The following CFAP46 variants were observed in gnomAD, a reference collection of about 807,000 sequenced individuals.
The protein encoded by CFAP46 is cilia- and flagella-associated protein 46.
CFAP46 carries 245 observed loss-of-function variants against 325.7 expected under a neutral mutation model. The observed-to-expected ratio is 0.75, with a 90% CI of 0.68 to 0.84. The LOEUF (loss-of-function observed/expected upper bound fraction) is 0.84, where lower values mean the gene tolerates loss of function less well. Among genes scored for constraint, CFAP46 ranks in the 40% least tolerant of loss-of-function variants. The pLI, the probability that CFAP46 is intolerant of heterozygous loss-of-function variation, is 0.00. For synonymous variants in CFAP46, 1,523 were observed against 1,495.9 expected (o/e 1.02, Z -0.42); for missense variants, 3,346 against 3,543.0 (o/e 0.94, Z 1.41).
intron 9 of CFAP46, among the ~76,000 whole-genome samples, chr10:132,927,275 T>C (rs1030053382): frequency 2.0e-5 from 3 of 152,194 alleles, no homozygotes; most frequent in African/African-American, 7.2e-5. Context: ...TGGTGAAGCA[T>C]CTTCACAACT....
In CFAP46 at chr10:132,857,699, T is replaced by C; in HGVS notation, c.5465A>G (p.Glu1822Gly). 6.2e-7 allele frequency: 1 copy of C among 1,613,454 alleles called. No individual in the cohort carries two copies. Among genetic ancestry groups the C allele is most frequent in the African/African-American group, 1.3e-5 (1 of 75,030 alleles). Residue 1822 changes from glutamate to glycine, a missense_variant, in exon 39 of 58, where the codon GAA (glutamate) becomes GGA (glycine). Physicochemically the swap from Glu to Gly is moderately conservative, Grantham distance 98. Transcript: ENST00000368586. ...YGLAQGAVAE[E>G]EGRLHSIQGL... Reference sequence around the variant, plus strand: ...CTGGATGCTGTGAAGCCTCCCTTCTTCCTCAGCTACGGCACCCTGGGCCAG... The same window carrying C: ...CTGGATGCTGTGAAGCCTCCCTTCTCCCTCAGCTACGGCACCCTGGGCCAG...
chr10:132,893,763 G>A (rs1473031353), intron 24 of CFAP46, among the ~76,000 whole-genome samples: 1 of 152,232 alleles, frequency 6.6e-6, no homozygotes, highest in Non-Finnish European at 1.5e-5. Flanking sequence ...AAAGCTCTTT[G>A]ATAAACTCTC....
At position 132,898,989 on chromosome 10, in the gene CFAP46, G is replaced by T. The variant is rs2135476438; in HGVS notation, c.3189C>A (p.Gly1063=). The change falls in exon 24 of 58, where the codon GGC becomes GGA. Residue 1063 remains glycine (G), a synonymous_variant. Transcript: ENST00000368586. ...KAKGALKRLI[G]IINKTEARKQ... Reference sequence around the variant, plus strand: ...TTCTGGCCTCTGTCTTGTTGATGATGCCGATGAGCCTCTTCAGGGCACCCT... The same window carrying T: ...TTCTGGCCTCTGTCTTGTTGATGATTCCGATGAGCCTCTTCAGGGCACCCT... 1 of 1,550,588 alleles carries T rather than the reference G, an allele frequency of 6.4e-7. No individual in the cohort carries two copies.
At chr10:132,934,730 T>A (rs1849965294) in intron 8 of CFAP46, 22 bp downstream of exon 8, 1 of 1,420,524 alleles carries the variant, frequency 7.0e-7, no homozygotes, top group Admixed American at 1.8e-5. Flanking sequence ...AGATGTGATA[T>A]TGGAAAAATA....
intron 48 of CFAP46, 131 bp downstream of exon 48, chr10:132,834,523 C>G: frequency 7.7e-7 from 1 of 1,292,664 alleles, no homozygotes; most frequent in South Asian, 1.5e-5. Flanking sequence ...TGGGAGCAGG[C>G]AGGCGGCGCC....
chr10:132,919,234 A>T lies in CFAP46; in HGVS notation c.1858+81T>A, dbSNP rs1849683036. The T allele has an allele frequency of 2.8e-6, 4 of 1,427,316 alleles. No individual in the cohort carries two copies. In the East Asian group the frequency reaches 1.0e-4, roughly 36 times the overall value. 88.4% of individuals were successfully genotyped at this position (1,427,316 alleles called of 1,614,324 possible). A position where few individuals can be genotyped will look rare whatever the true frequency, so the allele number is the denominator to read the frequency against. On this transcript the variant is annotated intron_variant, in intron 15 of 57. Coordinates refer to ENST00000368586, the MANE Select transcript of CFAP46 (RefSeq NM_001200049.3). This position sits in a 1 kb window ranked among gnomAD's most constrained non-coding sequence, Gnocchi z 9.7. Reference sequence around the variant, plus strand: ...TCATGCGAAGGCCCCATGGGTTGTCATTGCACGAACCACAACCCTTCCCAC... The same window carrying T: ...TCATGCGAAGGCCCCATGGGTTGTCTTTGCACGAACCACAACCCTTCCCAC...
At chr10:132,820,256 C>T (rs778931316) in intron 50 of CFAP46, among the ~76,000 whole-genome samples, 1 of 152,212 alleles carries the variant, frequency 6.6e-6, no homozygotes, top group Non-Finnish European at 1.5e-5. Flanking sequence ...AGCCAGGCAC[C>T]GAAGGCCAGA....
Position 132,942,546 on chromosome 10 carries a change from T to C in CFAP46, c.-62A>G, listed in dbSNP as rs1378626454. The C allele has an allele frequency of 1.6e-5, 20 of 1,224,452 alleles. 1 individual carries two copies. Among genetic ancestry groups the C allele is most frequent in the Non-Finnish European group, 1.8e-5 (18 of 976,392 alleles). 75.8% of individuals were successfully genotyped at this position (1,224,452 alleles called of 1,614,324 possible). ...CCGCGGTGCGTCCTGCCGCCCACTG[T>C]CGGTTGGGTTCTCCAGCCGCGAGGA... On this transcript the variant is annotated 5_prime_UTR_variant, in exon 1 of 58. Coordinates refer to ENST00000368586, the MANE Select transcript of CFAP46 (RefSeq NM_001200049.3).
chr10:132,881,625 G>A (rs939560848), intron 27 of CFAP46, among the ~76,000 whole-genome samples: 10 of 94,956 alleles, frequency 1.1e-4, no homozygotes, highest in Non-Finnish European at 1.8e-4. Context: ...CGCACCCTCC[G>A]CAGCCCTGCG....
chr10:132,885,065 A>G (rs1198209650), intron 27 of CFAP46, 38 bp downstream of exon 27: 2 of 1,519,870 alleles, frequency 1.3e-6, no homozygotes, highest in Middle Eastern at 2.2e-4. Context: ...ACTAAAGGAC[A>G]AATTTTACCA....
At chr10:132,863,685 T>C (rs988390906) in intron 35 of CFAP46, among the ~76,000 whole-genome samples, 1 of 150,254 alleles carries the variant, frequency 6.7e-6, no homozygotes, top group Non-Finnish European at 1.5e-5. Flanking sequence ...GCCTGAGACC[T>C]GCATGCACAC....
At chr10:132,829,154 GCAAGGTGACA>G (rs922493026) in intron 50 of CFAP46, among the ~76,000 whole-genome samples, 1 of 151,190 alleles carries the variant, frequency 6.6e-6, no homozygotes, top group African/African-American at 2.4e-5. Context: ...TCACCTTGGG[GCAAGGTGACA>G]CCTTGGCAAT....
At chr10:132,868,449 C>CTGCACAGATAACTCACGG (rs572581497) in intron 33 of CFAP46, among the ~76,000 whole-genome samples, 5 of 152,334 alleles carry the variant, frequency 3.3e-5, no homozygotes, top group East Asian at 3.9e-4. Flanking sequence ...TTCAGCCGGG[C>CTGCACAGATAACTCACGG]TGCACAGATA....
intron 26 of CFAP46, 135 bp from the exon 27 acceptor site, chr10:132,885,421 G>C: frequency 2.3e-6 from 2 of 864,818 alleles, no homozygotes; most frequent in Admixed American, 2.9e-5. Context: ...GTGAGCGGGG[G>C]TCTCGGGGCT....
chr10:132,932,368 TC>T (rs1849924728), intron 8 of CFAP46, among the ~76,000 whole-genome samples: 1 of 111,796 alleles, frequency 8.9e-6, no homozygotes, highest in African/African-American at 4.1e-5. Context: ...TGGGCTTTCC[TC>T]CTCCCCACGC....
chr10:132,881,316 C>T (rs1014604966), intron 27 of CFAP46, among the ~76,000 whole-genome samples: 1 of 152,176 alleles, frequency 6.6e-6, no homozygotes, highest in Admixed American at 6.5e-5. Flanking sequence ...CCTGGGGACT[C>T]CCGGGTCCCC....
intron 56 of CFAP46, 72 bp downstream of exon 56, chr10:132,810,878 G>T: frequency 7.2e-7 from 1 of 1,397,854 alleles, no homozygotes. Flanking sequence ...CCTCCCTTGT[G>T]GGTCCCACGC....
chr10:132,808,700 G>A lies in CFAP46; in HGVS notation c.7869C>T (p.Leu2623=). 1 of 1,570,560 alleles carries A rather than the reference G, an allele frequency of 6.4e-7. No homozygotes were observed. Among genetic ancestry groups the A allele is most frequent in the Non-Finnish European group, 8.6e-7 (1 of 1,157,962 alleles). ...GSAPLPTHPH[L]PAPIPSSQLA... is the part of the protein sequence containing the mutation. Reference sequence around the variant, plus strand: ...GCTGGGAGCTGGGGATGGGAGCCGGGAGGTGGGGATGGGTTGGCAGAGGGG... The same window carrying A: ...GCTGGGAGCTGGGGATGGGAGCCGGAAGGTGGGGATGGGTTGGCAGAGGGG... The change falls in exon 58 of 58, where the codon CTC becomes CTT. Residue 2623 remains leucine, a synonymous_variant. Transcript: ENST00000368586. This position sits in a 1 kb window ranked among gnomAD's most constrained non-coding sequence, Gnocchi z 6.8.
intron 35 of CFAP46, among the ~76,000 whole-genome samples, chr10:132,862,567 T>C (rs1848738124): frequency 6.6e-6 from 1 of 151,520 alleles, no homozygotes; most frequent in Non-Finnish European, 1.5e-5. Context: ...AAGGCAGATG[T>C]TTCCAGCCTG....
Sources: allele counts gnomAD v4.1 joint callset (sites outside exome capture counted in the v4.1 genomes callset), GRCh38; gene constraint gnomAD v4.1.1; non-coding constraint Gnocchi (gnomAD v3.1); transcripts MANE v1.5; gene names NCBI Gene and HGNC (gene_info 2026-07-23, HGNC 2026-07-21).